The following FMR1NB variants were observed in gnomAD, a reference collection of about 807,000 sequenced individuals.
The protein encoded by FMR1NB is FMR1 neighbor protein.
Under a neutral mutation model 16.8 loss-of-function variants are expected in FMR1NB, and 10 were observed. The ratio of observed to expected loss-of-function variants is 0.60; its 90% CI spans 0.37 to 1.01. FMR1NB has a LOEUF of 1.01. Ranked by LOEUF, FMR1NB falls within the 50% of genes least tolerant of loss-of-function variation. The probability of loss-of-function intolerance (pLI) is 0.01; values close to 1 mark genes in which losing one functional copy is unlikely to be tolerated. For missense variants in FMR1NB, 205 were observed against 204.8 expected (o/e 1.00, Z 0.00); for synonymous variants, 83 against 79.1 (o/e 1.05, Z -0.26).
intron 2 of FMR1NB, 115 bp downstream of exon 2, chrX:148,003,435 G>A: frequency 1.2e-6 from 1 of 817,306 alleles, no homozygotes; most frequent in East Asian, 3.4e-5. Flanking sequence ...AGCTGAGTTT[G>A]AATCCTGGCT....
chrX:148,025,077 C>T, intron 5 of FMR1NB, 64 bp downstream of exon 5: 1 of 1,103,788 alleles, frequency 9.1e-7, no homozygotes, highest in East Asian at 3.2e-5. Context: ...CTTTATATTT[C>T]TACCATCATC....
intron 1 of FMR1NB, among the ~76,000 whole-genome samples, chrX:147,999,919 T>G (rs781860723): frequency 8.9e-6 from 1 of 112,113 alleles, no homozygotes; most frequent in East Asian, 2.8e-4. Flanking sequence ...TTTTAGAAAT[T>G]TAAGTAGAAA....
At position 147,999,041 on chromosome X, in the gene FMR1NB, C is replaced by G. The variant is rs1181748105; in HGVS notation, c.278-4160C>G. ...AAGTTTCCATCTGGCATCTATATGCCAGAAACTTGGAGGGTTCTCTGAAAG... is the reference window on the plus strand; with the variant it reads ...AAGTTTCCATCTGGCATCTATATGCGAGAAACTTGGAGGGTTCTCTGAAAG... On this transcript the variant is annotated intron_variant, in intron 1 of 5. Transcript: ENST00000370467. Among the ~76,000 whole-genome samples, 7 of 111,505 alleles carry G rather than the reference C, an allele frequency of 6.3e-5. No individual in the cohort carries two copies. In the East Asian group the frequency reaches 2.0e-3, roughly 32 times the overall value.
At chrX:147,982,390 C>G (rs956637905) in intron 1 of FMR1NB, among the ~76,000 whole-genome samples, 5 of 108,675 alleles carry the variant, frequency 4.6e-5, no homozygotes, top group Non-Finnish European at 7.6e-5. Flanking sequence ...GAGTTCAAGA[C>G]TAGCCTGGGC....
In FMR1NB at chrX:147,981,516, C is replaced by G. The variant is rs782775241; in HGVS notation, c.114C>G (p.Pro38=). 2 of 1,211,660 alleles carry G rather than the reference C, an allele frequency of 1.7e-6. No homozygotes were observed. Among genetic ancestry groups the G allele is most frequent in the East Asian group, 5.9e-5 (2 of 33,795 alleles). The change falls in exon 1 of 6, where the codon CCC becomes CCG. Residue 38 remains proline (P), a synonymous_variant. Coordinates refer to ENST00000370467, the MANE Select transcript of FMR1NB (RefSeq NM_152578.3). ...TYELAATESN[P]ESSHPGYEAA... The stretch of plus-strand genomic sequence containing the variant: ...AGTTGGCGGCAACTGAGTCGAATCC[C>G]GAGAGCAGCCATCCTGGATACGAGG...
chrX:148,012,515 CAA>C (rs1557189721), intron 4 of FMR1NB, among the ~76,000 whole-genome samples: 1 of 111,621 alleles, frequency 9.0e-6, no homozygotes, highest in Non-Finnish European at 1.9e-5. Flanking sequence ...CTGAAAATGA[CAA>C]AACTGTGTTT....
chrX:147,993,530 C>A (rs1438626534), intron 1 of FMR1NB, among the ~76,000 whole-genome samples: 7 of 111,194 alleles, frequency 6.3e-5, no homozygotes, highest in Non-Finnish European at 1.3e-4. Context: ...AATGACTTTC[C>A]TTTGCTCACT....
intron 4 of FMR1NB, among the ~76,000 whole-genome samples, chrX:148,020,637 A>T (rs1827609085): frequency 9.0e-6 from 1 of 111,598 alleles, no homozygotes; most frequent in African/African-American, 3.3e-5. Flanking sequence ...CTTCCCTTTA[A>T]GGCAGTAGAT....
intron 4 of FMR1NB, among the ~76,000 whole-genome samples, chrX:148,012,690 C>G (rs2044631111): frequency 9.0e-6 from 1 of 111,471 alleles, no homozygotes; most frequent in Non-Finnish European, 1.9e-5. Flanking sequence ...GCATGATTCC[C>G]TGTATTATAA....
intron 1 of FMR1NB, among the ~76,000 whole-genome samples, chrX:147,992,866 G>T (rs1445551463): frequency 1.1e-5 from 1 of 89,178 alleles, no homozygotes; most frequent in Non-Finnish European, 2.1e-5. Context: ...GATGGCGGCT[G>T]GGAAGAGGCG....
In FMR1NB at chrX:148,001,902, T is replaced by C. The variant is rs1292324260; in HGVS notation, c.278-1299T>C. On this transcript the variant is annotated intron_variant, in intron 1 of 5. Transcript: ENST00000370467. ...TAGAATGTGATGATGTTATCTTAAGTATAACAGAAAAGGATGGATTTAATA... is the reference window on the plus strand; with the variant it reads ...TAGAATGTGATGATGTTATCTTAAGCATAACAGAAAAGGATGGATTTAATA... Among the ~76,000 whole-genome samples, 5 of 111,460 alleles carry C rather than the reference T, an allele frequency of 4.5e-5. No individual in the cohort carries two copies. In the South Asian group the frequency reaches 1.5e-3, roughly 33 times the overall value.
At chrX:147,998,325 A>C (rs2044552819) in intron 1 of FMR1NB, among the ~76,000 whole-genome samples, 1 of 111,932 alleles carries the variant, frequency 8.9e-6, no homozygotes, top group Admixed American at 9.5e-5. Context: ...GAGGCTTGAA[A>C]CCATCATTCT....
At chrX:148,025,791 C>A (rs182543823) in intron 5 of FMR1NB, 5 of 111,698 alleles carry the variant, frequency 4.5e-5, no homozygotes, top group African/African-American at 1.6e-4. Flanking sequence ...TTGAAAATTG[C>A]AATGCAGTAC....
intron 1 of FMR1NB, among the ~76,000 whole-genome samples, chrX:147,991,295 T>G (rs1401336667): frequency 9.2e-6 from 1 of 108,558 alleles, no homozygotes; most frequent in Non-Finnish European, 1.9e-5. Context: ...ACCTCCTTCA[T>G]CTCCTCTTCA....
intron 4 of FMR1NB, among the ~76,000 whole-genome samples, chrX:148,017,488 A>G: frequency 9.2e-6 from 1 of 108,402 alleles, no homozygotes. Flanking sequence ...CTCCTTTTTA[A>G]GGCCACTAAC....
intron 2 of FMR1NB, among the ~76,000 whole-genome samples, chrX:148,005,710 G>T (rs1384639834): frequency 9.0e-6 from 1 of 111,584 alleles, no homozygotes; most frequent in Non-Finnish European, 1.9e-5. Flanking sequence ...GTAAAGCAAG[G>T]TTCCTGGCCC....
chrX:148,003,318 C>A lies in FMR1NB; in HGVS notation c.395C>A (p.Thr132Lys). 8.3e-7 allele frequency: 1 copy of A among 1,208,866 alleles called. No homozygotes were observed. Among genetic ancestry groups the A allele is most frequent in the Non-Finnish European group, 1.1e-6 (1 of 893,988 alleles). The change falls in exon 2 of 6, where the codon ACA becomes AAA. Residue 132 changes from threonine to lysine, a missense_variant and splice_region_variant. Transcript: ENST00000370467. ...LEALLNFFFP[T>K]TCNLRENQVA... ...GCTTTGCTGAATTTTTTCTTTCCAACAAGTAAGTTCTTGTTTGATTTTTTT... is the reference window on the plus strand; with the variant it reads ...GCTTTGCTGAATTTTTTCTTTCCAAAAAGTAAGTTCTTGTTTGATTTTTTT...
intron 1 of FMR1NB, among the ~76,000 whole-genome samples, chrX:147,987,432 C>T (rs2044482480): frequency 9.0e-6 from 1 of 111,663 alleles, no homozygotes; most frequent in Non-Finnish European, 1.9e-5. Context: ...CCAGCTTTTG[C>T]CCATTCAGTA....
intron 4 of FMR1NB, among the ~76,000 whole-genome samples, chrX:148,018,895 A>G (rs896088473): frequency 9.0e-6 from 1 of 111,495 alleles, no homozygotes; most frequent in Non-Finnish European, 1.9e-5. Context: ...GCAACCTACA[A>G]AATGGGAGAA....
Sources: allele counts gnomAD v4.1 joint callset (sites outside exome capture counted in the v4.1 genomes callset), GRCh38; gene constraint gnomAD v4.1.1; transcripts MANE v1.5; gene names NCBI Gene and HGNC (gene_info 2026-07-23, HGNC 2026-07-21).